The following SLC43A3 variants were observed in gnomAD, a reference collection of about 807,000 sequenced individuals.
The protein encoded by SLC43A3 is equilibrative nucleobase transporter 1.
In SLC43A3, 33 loss-of-function variants were observed where a neutral mutation model predicts 53.3. The ratio of observed to expected loss-of-function variants is 0.62; its 90% confidence interval spans 0.47 to 0.83. SLC43A3 has a LOEUF of 0.83. SLC43A3 is among the 40% of genes least tolerant of loss of function. SLC43A3 has a pLI of 0.00. For missense variants in SLC43A3, 530 were observed against 610.0 expected (o/e 0.87, Z 1.38); for synonymous variants, 236 against 246.2 (o/e 0.96, Z 0.39).
In SLC43A3 at chr11:57,414,543, A is replaced by C. The variant is rs1449332114; in HGVS notation, c.1060+72T>G. 8.8e-6 allele frequency: 6 copies of C among 682,238 alleles called. No homozygotes were observed. The East Asian group carries it at 1.2e-4, about 13-fold the overall frequency. 42.3% of individuals were successfully genotyped at this position (682,238 alleles called of 1,614,324 possible). On this transcript the variant is annotated intron_variant, in intron 11 of 13. Transcript: ENST00000395124. The stretch of plus-strand genomic sequence containing the variant: ...AAAAAAAAAAAAAAAGAGCGAGAGA[A>C]GATGTCATGGGGTAAATGAAGACCT...
At chr11:57,415,316 C>A (rs1418776389) in intron 9 of SLC43A3, 1 of 1,520,300 alleles carries the variant, frequency 6.6e-7, no homozygotes, top group South Asian at 1.2e-5. Flanking sequence ...CTTGGATGAC[C>A]CTCTGTGTTC....
Position 57,414,746 on chromosome 11 carries a change from G to A in SLC43A3, c.944-15C>T, listed in dbSNP as rs563877928. 1.0e-5 allele frequency: 16 copies of A among 1,605,826 alleles called. No individual in the cohort carries two copies. The highest frequency in any genetic ancestry group is 1.4e-5 in the Non-Finnish European group (16 of 1,172,524). ...GTAGGTGCTGACTGCAGAAGGAAGA[G>A]AGAGGTTGGTTGATGAGAAGTTTCC... On this transcript the variant is annotated splice_polypyrimidine_tract_variant and intron_variant, in intron 10 of 13. Coordinates refer to ENST00000395124, the MANE Select transcript of SLC43A3 (RefSeq NM_199329.3).
At chr11:57,424,227 G>A (rs1265141893) in intron 4 of SLC43A3, among the ~76,000 whole-genome samples, 199 bp from the exon 5 acceptor site, 1 of 152,244 alleles carries the variant, frequency 6.6e-6, no homozygotes, top group African/African-American at 2.4e-5. Flanking sequence ...ATGTGGTCCT[G>A]ACCTCATGGA....
intron 11 of SLC43A3, among the ~76,000 whole-genome samples, chr11:57,413,843 C>T: frequency 6.6e-6 from 1 of 152,170 alleles, no homozygotes; most frequent in East Asian, 1.9e-4. Flanking sequence ...ACCATTTTGA[C>T]CCCACTGTGC....
rs1942744999 is a variant in SLC43A3 at position 57,416,782 on chromosome 11, C to T, written c.672-112G>A. 11 of 800,938 alleles carry T rather than the reference C, an allele frequency of 1.4e-5. No individual in the cohort carries two copies. In the South Asian group the frequency reaches 1.7e-4, roughly 12 times the overall value. The allele number at this position is 800,938 out of a possible 1,614,324, so 49.6% of individuals were successfully genotyped here. On this transcript the variant is annotated intron_variant, in intron 8 of 13. Coordinates refer to ENST00000395124, the MANE Select transcript of SLC43A3 (RefSeq NM_199329.3). ...CACATTCCACCGCACTTTGGAATCA[C>T]CTTTTAGCCACTCTGATGCCCAGGT...
chr11:57,423,955 C>A lies in SLC43A3; in HGVS notation c.361+27G>T, dbSNP rs762688509. Reference sequence around the variant, plus strand: ...CCACCAGGTGCCTCTGAGCTTGCATCCCTCCCACCCACCTGACAGCACTCA... The same window carrying A: ...CCACCAGGTGCCTCTGAGCTTGCATACCTCCCACCCACCTGACAGCACTCA... On this transcript the variant is annotated intron_variant, in intron 5 of 13. Coordinates refer to ENST00000395124, the MANE Select transcript of SLC43A3 (RefSeq NM_199329.3). The A allele has an allele frequency of 4.3e-6, 7 of 1,612,998 alleles. No individual in the cohort carries two copies. In the South Asian group the frequency reaches 6.6e-5, roughly 15 times the overall value.
chr11:57,424,978 G>A (rs1224433749), intron 4 of SLC43A3, among the ~76,000 whole-genome samples: 1 of 152,156 alleles, frequency 6.6e-6, no homozygotes, highest in Non-Finnish European at 1.5e-5. Flanking sequence ...TGACTCATCT[G>A]CACAGGAAAC....
At chr11:57,417,374 C>T (rs1942767100) in intron 8 of SLC43A3, among the ~76,000 whole-genome samples, 1 of 152,230 alleles carries the variant, frequency 6.6e-6, no homozygotes, top group Non-Finnish European at 1.5e-5. Flanking sequence ...TGAGCCCACG[C>T]TGGCTTGCTG....
Position 57,417,757 on chromosome 11 carries a change from T to C in SLC43A3, c.662A>G (p.Tyr221Cys), listed in dbSNP as rs1176270164. Residue 221 changes from tyrosine to cysteine, a missense_variant, in exon 8 of 14, where the codon TAC becomes TGC. By Grantham distance (194) the Tyr-to-Cys change is radical. Coordinates refer to ENST00000395124, the MANE Select transcript of SLC43A3 (RefSeq NM_199329.3). ...ACCAGATAGTCCTTACCCATAGCTG[T>C]AGTTGGGGGGCAGTGGGTATGGGAT... ...GHIPYPLPPN[Y>C]SYGLCPGNGT... The C allele has an allele frequency of 3.7e-6, 6 of 1,613,868 alleles. No homozygotes were observed. The highest frequency in any genetic ancestry group is 5.1e-6 in the Non-Finnish European group (6 of 1,179,966).
chr11:57,413,480 G>A (rs183585999), intron 11 of SLC43A3, among the ~76,000 whole-genome samples: 8 of 152,270 alleles, frequency 5.3e-5, no homozygotes, highest in Admixed American at 1.3e-4. Flanking sequence ...ATACATGTAC[G>A]GGTATAGAGA....
Position 57,407,227 on chromosome 11 carries a change from C to T in SLC43A3, c.*565G>A, listed in dbSNP as rs2134491686. 6.6e-6 allele frequency: 1 copy of T among 152,640 alleles called. No homozygotes were observed. Among genetic ancestry groups the T allele is most frequent in the African/African-American group, 2.4e-5 (1 of 41,568 alleles). The allele number at this position is 152,640 out of a possible 1,614,324, so 9.5% of individuals were successfully genotyped here. A position where few individuals can be genotyped will look rare whatever the true frequency, so the allele number is the denominator to read the frequency against. ...AATTTTACAGATGGGAAAAGTGATT[C>T]TGAGACCAGACCAGGGTCAGGCCAA... is the stretch of plus-strand genomic sequence containing the variant. On this transcript the variant is annotated 3_prime_UTR_variant, in exon 14 of 14. Coordinates refer to ENST00000395124, the MANE Select transcript of SLC43A3 (RefSeq NM_199329.3).
chr11:57,412,579 A>G (rs1388023146), intron 11 of SLC43A3, among the ~76,000 whole-genome samples: 4 of 152,168 alleles, frequency 2.6e-5, no homozygotes, highest in African/African-American at 9.7e-5. Flanking sequence ...TTGGGAGGCC[A>G]AGGCAGGTGG....
In SLC43A3 at chr11:57,421,069, G is replaced by C. The variant is rs1942962792; in HGVS notation, c.439-5C>G. On this transcript the variant is annotated splice_polypyrimidine_tract_variant and splice_region_variant and intron_variant, in intron 6 of 13. Transcript: ENST00000395124. ...TTGGCCAAATAGGTTCCCAATCTGG[G>C]GATGATAGGACTAGCCTGGATCACT... is the stretch of plus-strand genomic sequence containing the variant. 1 of 1,595,724 alleles carries C rather than the reference G, an allele frequency of 6.3e-7. No individual in the cohort carries two copies. Among genetic ancestry groups the C allele is most frequent in the East Asian group, 2.2e-5 (1 of 44,794 alleles).
chr11:57,425,828 G>A, intron 3 of SLC43A3, 158 bp from the exon 4 acceptor site: 2 of 1,374,662 alleles, frequency 1.5e-6, no homozygotes, highest in Non-Finnish European at 2.0e-6. Context: ...AGGAGCTGGT[G>A]CCTCCCTCCC....
intron 4 of SLC43A3, among the ~76,000 whole-genome samples, chr11:57,425,276 T>C (rs1340620233): frequency 2.0e-5 from 3 of 152,186 alleles, no homozygotes; most frequent in African/African-American, 7.2e-5. Flanking sequence ...GGCCTCCGGC[T>C]CAATTCAGCA....
At chr11:57,415,459 G>A (rs748538363) in intron 9 of SLC43A3, 1 of 1,258,116 alleles carries the variant, frequency 7.9e-7, no homozygotes, top group Non-Finnish European at 1.0e-6. Flanking sequence ...AGGGAGAGGA[G>A]AATGAGTGTG....
chr11:57,415,572 G>T (rs568855285), intron 9 of SLC43A3, among the ~76,000 whole-genome samples: 1 of 152,198 alleles, frequency 6.6e-6, no homozygotes, highest in East Asian at 1.9e-4. Context: ...TCATGGTCCA[G>T]ATGGGACCAT....
Position 57,410,117 on chromosome 11 carries a change from G to A in SLC43A3, c.1065C>T (p.Ser355=). The stretch of plus-strand genomic sequence containing the variant: ...AGCAGAGGGCCACCGCCAAAGTGGA[G>A]GAACCTGGGCGAACAGAGAGGAAAA... ...KYQKEARKTG[S]STLAVALCST... Residue 355 remains serine (S), a synonymous_variant, in exon 12 of 14, where the codon TCC becomes TCT. Transcript: ENST00000395124. The A allele has an allele frequency of 6.3e-7, 1 of 1,598,502 alleles. No individual in the cohort carries two copies. Among genetic ancestry groups the A allele is most frequent in the East Asian group, 2.2e-5 (1 of 44,554 alleles).
intron 4 of SLC43A3, among the ~76,000 whole-genome samples, chr11:57,424,504 A>G (rs1166084960): frequency 6.6e-6 from 1 of 152,162 alleles, no homozygotes; most frequent in Non-Finnish European, 1.5e-5. Context: ...AGCCTTTTCT[A>G]TAAAAAGAAA....
Sources: gnomAD v4.1 joint callset for allele counts (sites outside exome capture counted in the v4.1 genomes callset) on GRCh38, gnomAD v4.1.1 for gene constraint, MANE v1.5 for transcripts, NCBI Gene and HGNC (gene_info 2026-07-23, HGNC 2026-07-21) for gene names.